CTSC: variants seen among roughly 807,000 people sequenced by gnomAD.
CTSC encodes dipeptidyl peptidase 1.
In CTSC, 37 loss-of-function variants were observed where a neutral mutation model predicts 40.9. The observed-to-expected ratio is 0.91, with a 90% CI of 0.70 to 1.19. CTSC has a LOEUF of 1.19. CTSC is among the 50% of genes most tolerant of loss of function. CTSC has a pLI of 0.00. For missense variants in CTSC, 594 were observed against 567.3 expected, an observed-to-expected ratio of 1.05 and a Z score of -0.48; for synonymous variants, 232 against 207.4, an observed-to-expected ratio of 1.12 and a Z score of -1.02.
At position 88,294,268 on chromosome 11, in the gene CTSC, T is replaced by C; in HGVS notation, c.1130A>G (p.Tyr377Cys). ...CTTTTTGTAGTGGAGGAAGTCATCATATACTTCAAAAGCAACTGCCATGGG... is the reference window on the plus strand; with the variant it reads ...CTTTTTGTAGTGGAGGAAGTCATCACATACTTCAAAAGCAACTGCCATGGG... ...HGPMAVAFEV[Y>C]DDFLHYKKGI... The change falls in exon 7 of 7, where the codon TAT becomes TGT. Residue 377 changes from tyrosine (Y) to cysteine (C), a missense_variant. Physicochemically the swap from Tyr to Cys is radical, Grantham distance 194 (BLOSUM62 -2). Transcript: ENST00000227266. The C allele has an allele frequency of 6.2e-7, 1 of 1,614,098 alleles. No homozygotes were observed. Among genetic ancestry groups the C allele is most frequent in the South Asian group, 1.1e-5 (1 of 91,080 alleles).
intron 2 of CTSC, among the ~76,000 whole-genome samples, chr11:88,318,660 C>G (rs370184372): frequency 6.6e-6 from 1 of 152,180 alleles, no homozygotes; most frequent in East Asian, 1.9e-4. Flanking sequence ...AATCCCAACA[C>G]TTTAGGAGGC....
intron 2 of CTSC, among the ~76,000 whole-genome samples, chr11:88,319,540 A>G (rs1937950408): frequency 6.6e-6 from 1 of 152,188 alleles, no homozygotes; most frequent in Non-Finnish European, 1.5e-5. Context: ...CAGTCATGAA[A>G]ATTATCAGTA....
intron 2 of CTSC, among the ~76,000 whole-genome samples, chr11:88,330,052 A>G (rs954760475): frequency 3.9e-5 from 6 of 152,190 alleles, no homozygotes; most frequent in African/African-American, 7.2e-5. Flanking sequence ...CAAATTTGCT[A>G]AAGTGTGCCA....
intron 2 of CTSC, among the ~76,000 whole-genome samples, chr11:88,330,266 CACCT>C (rs1008663550): frequency 1.6e-4 from 24 of 152,282 alleles, no homozygotes; most frequent in African/African-American, 4.8e-4. Flanking sequence ...GATACCCACC[CACCT>C]GAGTGGGCCC....
At chr11:88,304,551 C>A (rs1281581755) in intron 4 of CTSC, among the ~76,000 whole-genome samples, 3 of 152,170 alleles carry the variant, frequency 2.0e-5, no homozygotes, top group Admixed American at 2.0e-4. Flanking sequence ...CCCAGAGCAA[C>A]TCCATCTTGA....
chr11:88,296,894 T>G (rs1555026148), intron 5 of CTSC: 1 of 156,252 alleles, frequency 6.4e-6, no homozygotes, highest in African/African-American at 2.4e-5. Flanking sequence ...CCTAAAATTC[T>G]CCCCCTAAAA....
intron 2 of CTSC, among the ~76,000 whole-genome samples, chr11:88,317,068 G>A (rs1279201131): frequency 6.6e-6 from 1 of 152,042 alleles, no homozygotes; most frequent in East Asian, 1.9e-4. Flanking sequence ...CCGGGTTCAA[G>A]CAATTCTCCT....
intron 5 of CTSC, chr11:88,298,891 T>C (rs193107141): frequency 2.6e-5 from 4 of 152,350 alleles, no homozygotes; most frequent in Admixed American, 1.3e-4. Flanking sequence ...TTATCTCATA[T>C]AACTTGTCAA....
intron 2 of CTSC, among the ~76,000 whole-genome samples, chr11:88,317,270 T>C (rs1937901341): frequency 6.6e-6 from 1 of 152,238 alleles, no homozygotes; most frequent in Non-Finnish European, 1.5e-5. Context: ...GCCAGCCTTC[T>C]TATTTAATAT....
chr11:88,336,292 G>T (rs1019862258), intron 1 of CTSC, among the ~76,000 whole-genome samples: 2 of 149,092 alleles, frequency 1.3e-5, no homozygotes, highest in African/African-American at 5.0e-5. Context: ...TGTAATCCCA[G>T]TACTTTGGGA....
chr11:88,320,219 G>A (rs912412764), intron 2 of CTSC, among the ~76,000 whole-genome samples: 2 of 152,188 alleles, frequency 1.3e-5, no homozygotes, highest in Admixed American at 6.6e-5. Flanking sequence ...TTTTACTGAA[G>A]GAACTGGAAG....
chr11:88,337,669 C>A lies in CTSC; in HGVS notation c.4G>T (p.Gly2Cys), dbSNP rs368771602. 1 of 1,574,172 alleles carries A rather than the reference C, an allele frequency of 6.4e-7. No individual in the cohort carries two copies. Among genetic ancestry groups the A allele is most frequent in the African/African-American group, 1.3e-5 (1 of 74,166 alleles). ...GCGAGCAGCAAGGAGGGCCCAGCAC[C>A]CATGCTGCAGGGAGCTGAGAAAAGA... is the stretch of plus-strand genomic sequence containing the variant. The part of the protein sequence containing the change: M[G>C]AGPSLLLAAL... The change falls in exon 1 of 7, where the codon GGT becomes TGT. Residue 2 changes from glycine (G) to cysteine (C), a missense_variant. By Grantham distance (159) the Gly-to-Cys change is radical (BLOSUM62 -3). Transcript: ENST00000227266.
At chr11:88,318,301 G>A (rs1406409804) in intron 2 of CTSC, among the ~76,000 whole-genome samples, 1 of 152,194 alleles carries the variant, frequency 6.6e-6, no homozygotes, top group African/African-American at 2.4e-5. Context: ...GTCAAAACTA[G>A]TGAGCCTCAG....
At position 88,309,069 on chromosome 11, in the gene CTSC, T is replaced by C. The variant is rs16913766; in HGVS notation, c.641+94A>G. ...AAAAAGTTACAACTGGGATGACCAA[T>C]AAAATGGCGAGCAACACTGGTAGGA... On this transcript the variant is annotated intron_variant, in intron 4 of 6. Transcript: ENST00000227266. 1.7e-3 allele frequency: 1,940 copies of C among 1,109,412 alleles called. 25 individuals carry two copies. The African/African-American group carries it at 0.027, about 15-fold the overall frequency. 68.7% of individuals were successfully genotyped at this position (1,109,412 alleles called of 1,614,324 possible).
intron 1 of CTSC, among the ~76,000 whole-genome samples, chr11:88,337,082 C>A (rs1007869880): frequency 5.3e-5 from 8 of 152,144 alleles, no homozygotes; most frequent in Non-Finnish European, 1.2e-4. Flanking sequence ...GAGAAAACTT[C>A]ATGCTATATC....
chr11:88,335,084 T>TAA lies in CTSC; in HGVS notation c.173-4_173-3dup. The TAA allele has an allele frequency of 2.6e-6, 4 of 1,525,006 alleles. No homozygotes were observed. Among genetic ancestry groups the TAA allele is most frequent in the Non-Finnish European group, 1.8e-6 (2 of 1,120,024 alleles). 94.5% of individuals were successfully genotyped at this position (1,525,006 alleles called of 1,614,324 possible). On this transcript the variant is annotated splice_polypyrimidine_tract_variant and splice_region_variant and intron_variant, in intron 1 of 6. Coordinates refer to ENST00000227266, the MANE Select transcript of CTSC (RefSeq NM_001814.6). ...CCACTACTTTTTTTTCTTGTGGTCC[T>TAA]AAAGAAAAAAAAAAAAAGCACAATA...
intron 4 of CTSC, among the ~76,000 whole-genome samples, chr11:88,303,782 T>A (rs1165815232): frequency 6.6e-6 from 1 of 152,210 alleles, no homozygotes; most frequent in Non-Finnish European, 1.5e-5. Context: ...AGCCTCTCTC[T>A]GTTCAGTGTT....
At chr11:88,316,679 A>G (rs1937887271) in intron 2 of CTSC, among the ~76,000 whole-genome samples, 1 of 152,236 alleles carries the variant, frequency 6.6e-6, no homozygotes, top group Non-Finnish European at 1.5e-5. Flanking sequence ...GAAGTAATTA[A>G]CTACTAAATG....
chr11:88,335,620 GA>G (rs757857343), intron 1 of CTSC, among the ~76,000 whole-genome samples: 11 of 152,126 alleles, frequency 7.2e-5, no homozygotes, highest in Non-Finnish European at 1.2e-4. Flanking sequence ...CAGGCAGGGA[GA>G]CCCCCAAAAC....
Sources: allele counts gnomAD v4.1 joint callset (sites outside exome capture counted in the v4.1 genomes callset), GRCh38; gene constraint gnomAD v4.1.1; transcripts MANE v1.5; gene names NCBI Gene and HGNC (gene_info 2026-07-23, HGNC 2026-07-21).